CNTNAP2: variants seen among roughly 807,000 people sequenced by gnomAD.
The protein encoded by CNTNAP2 is contactin-associated protein-like 2.
A neutral mutation model predicts 155.2 loss-of-function variants in CNTNAP2; 98 were observed. That is an observed-to-expected ratio of 0.63 (90% CI 0.54 to 0.75). The LOEUF is 0.75. Ranked by LOEUF, CNTNAP2 falls within the 30% of genes least tolerant of loss-of-function variation. CNTNAP2 has a pLI of 0.00. For synonymous variants in CNTNAP2, 651 were observed against 631.2 expected (o/e 1.03, Z -0.47); for missense variants, 1,727 against 1,688.1 (o/e 1.02, Z -0.40).
At chr7:147,603,913 C>CT (rs1801006773) in intron 12 of CNTNAP2, among the ~76,000 whole-genome samples, 1 of 151,634 alleles carries the variant, frequency 6.6e-6, no homozygotes, top group Non-Finnish European at 1.5e-5. Context: ...TCAGAAATAA[C>CT]GCCGCATATC....
At chr7:148,010,236 ATAT>A (rs1314970787) in intron 15 of CNTNAP2, among the ~76,000 whole-genome samples, 2 of 151,418 alleles carry the variant, frequency 1.3e-5, no homozygotes, top group Non-Finnish European at 3.0e-5. Flanking sequence ...ATATTAATAT[ATAT>A]TATTTACATA....
intron 10 of CNTNAP2, among the ~76,000 whole-genome samples, chr7:147,480,306 A>G (rs1461189043): frequency 6.6e-6 from 1 of 152,214 alleles, no homozygotes; most frequent in Non-Finnish European, 1.5e-5. Flanking sequence ...ATAAGCTATC[A>G]GTAACCTAGA....
rs71188938 is a variant in CNTNAP2, at chr7:147,998,103, C to CTT, written c.2383+20139_2383+20140dup. On this transcript the variant is annotated intron_variant, in intron 15 of 23. Coordinates refer to ENST00000361727, the MANE Select transcript of CNTNAP2 (RefSeq NM_014141.6). ...CTAAGAACATGGTCATTTCTTTTTT[C>CTT]TTTTTTTTTTTTTTTTTTTTTTTTT... Among the ~76,000 whole-genome samples, 88 of 75,806 alleles carry CTT rather than the reference C, an allele frequency of 1.2e-3. 3 individuals carry two copies. Among genetic ancestry groups the CTT allele is most frequent in the East Asian group, 5.4e-3 (13 of 2,408 alleles). 49.7% of individuals were successfully genotyped at this position (75,806 alleles called of 152,430 possible). A position where few individuals can be genotyped will look rare whatever the true frequency, so the allele number is the denominator to read the frequency against.
At chr7:147,908,048 C>T (rs866846129) in intron 14 of CNTNAP2, among the ~76,000 whole-genome samples, 2 of 152,068 alleles carry the variant, frequency 1.3e-5, no homozygotes, top group African/African-American at 4.8e-5. Context: ...GGATTACAGG[C>T]ATGAGCCACC....
Position 146,956,979 on chromosome 7 carries a change from C to T in CNTNAP2, c.403-86928C>T, listed in dbSNP as rs78076514. Among the ~76,000 whole-genome samples the T allele has an allele frequency of 8.9e-4, 135 of 152,224 alleles. 1 individual carries two copies. Among genetic ancestry groups the T allele is most frequent in the African/African-American group, 3.1e-3 (127 of 41,564 alleles). ...TGACAGGGATACCTTTTGAGAACTGCGTCCTTAGGAGATTTCTCATCATGT... is the reference window on the plus strand; with the variant it reads ...TGACAGGGATACCTTTTGAGAACTGTGTCCTTAGGAGATTTCTCATCATGT... On this transcript the variant is annotated intron_variant, in intron 3 of 23. Transcript: ENST00000361727.
At position 147,481,451 on chromosome 7, in the gene CNTNAP2, C is replaced by A. The variant is rs1411675744; in HGVS notation, c.1671-4484C>A. On this transcript the variant is annotated intron_variant, in intron 10 of 23. Transcript: ENST00000361727. Reference sequence around the variant, plus strand: ...AGATGCTATGGGTAAAATAAAAGTGCAACTGTCATCCACAGCCCTGGATTG... The same window carrying A: ...AGATGCTATGGGTAAAATAAAAGTGAAACTGTCATCCACAGCCCTGGATTG... Among the ~76,000 whole-genome samples, 5 of 152,288 alleles carry A rather than the reference C, an allele frequency of 3.3e-5. No individual in the cohort carries two copies. The East Asian group carries it at 9.7e-4, about 29-fold the overall frequency.
chr7:146,366,932 T>C (rs377236726), intron 1 of CNTNAP2, among the ~76,000 whole-genome samples: 11 of 152,142 alleles, frequency 7.2e-5, no homozygotes, highest in Non-Finnish European at 1.5e-4. Flanking sequence ...CAGGTCAAAT[T>C]ATGAAACAGA....
At chr7:147,383,052 T>C (rs1397895824) in intron 9 of CNTNAP2, among the ~76,000 whole-genome samples, 1 of 149,802 alleles carries the variant, frequency 6.7e-6, no homozygotes, top group Non-Finnish European at 1.5e-5. Flanking sequence ...TTAATAAATA[T>C]AAACAGGATT....
intron 10 of CNTNAP2, among the ~76,000 whole-genome samples, chr7:147,458,575 G>T (rs1797962648): frequency 6.6e-6 from 1 of 152,174 alleles, no homozygotes; most frequent in Admixed American, 6.6e-5. Flanking sequence ...CTCTAGTTAT[G>T]AGCTGAGGGA....
chr7:146,395,347 G>A (rs1053328912), intron 1 of CNTNAP2, among the ~76,000 whole-genome samples: 1 of 152,106 alleles, frequency 6.6e-6, no homozygotes, highest in African/African-American at 2.4e-5. Flanking sequence ...TTCACCAGAA[G>A]CAGAGGGAAG....
At chr7:146,219,481 C>A (rs1402361894) in intron 1 of CNTNAP2, among the ~76,000 whole-genome samples, 1 of 151,922 alleles carries the variant, frequency 6.6e-6, no homozygotes, top group East Asian at 1.9e-4. Flanking sequence ...GTAGATAAAC[C>A]CAAATGGCTA....
chr7:146,399,037 T>C (rs1258035054), intron 1 of CNTNAP2, among the ~76,000 whole-genome samples: 1 of 151,850 alleles, frequency 6.6e-6, no homozygotes, highest in African/African-American at 2.4e-5. Flanking sequence ...TATAACAGAA[T>C]ACATTTTCTT....
chr7:147,812,824 C>T (rs944518898), intron 13 of CNTNAP2, among the ~76,000 whole-genome samples: 8 of 152,122 alleles, frequency 5.3e-5, no homozygotes, highest in African/African-American at 1.9e-4. Context: ...GTTGAGTCCC[C>T]TTCTCACAAA....
rs1309570600 is a variant in CNTNAP2, at chr7:147,043,801, A to G, written c.403-106A>G. 4.4e-6 allele frequency: 6 copies of G among 1,360,672 alleles called. No homozygotes were observed. In the Admixed American group the frequency reaches 1.1e-4, roughly 26 times the overall value. The allele number at this position is 1,360,672 out of a possible 1,614,324, so 84.3% of individuals were successfully genotyped here. A position where few individuals can be genotyped will look rare whatever the true frequency, so the allele number is the denominator to read the frequency against. ...CAAATTATTTACGGTGTAAGAAATC[A>G]CAAGCCCTACCATTGGATGACATTT... On this transcript the variant is annotated intron_variant, in intron 3 of 23. Coordinates refer to ENST00000361727, the MANE Select transcript of CNTNAP2 (RefSeq NM_014141.6).
At position 147,702,483 on chromosome 7, in the gene CNTNAP2, A is replaced by G. The variant is rs974734488; in HGVS notation, c.2098+63177A>G. ...ATATGGTCCCACATATGTTTCAGTAAGAATAAAGAATATTTAAAAGTATAG... is the reference window on the plus strand; with the variant it reads ...ATATGGTCCCACATATGTTTCAGTAGGAATAAAGAATATTTAAAAGTATAG... On this transcript the variant is annotated intron_variant, in intron 13 of 23. Coordinates refer to ENST00000361727, the MANE Select transcript of CNTNAP2 (RefSeq NM_014141.6). Among the ~76,000 whole-genome samples the G allele has an allele frequency of 2.6e-5, 4 of 152,220 alleles. No homozygotes were observed. The East Asian group carries it at 7.7e-4, about 29-fold the overall frequency.
intron 12 of CNTNAP2, among the ~76,000 whole-genome samples, chr7:147,603,963 C>T (rs951967063): frequency 5.9e-5 from 9 of 151,288 alleles, no homozygotes; most frequent in African/African-American, 1.9e-4. Flanking sequence ...GAAAAACAAG[C>T]AATGGGGAAA....
intron 1 of CNTNAP2, among the ~76,000 whole-genome samples, chr7:146,628,162 G>A (rs180981687): frequency 6.6e-6 from 1 of 152,092 alleles, no homozygotes; most frequent in African/African-American, 2.4e-5. Context: ...ATGAGCTTTA[G>A]ACCATTCCTA....
At chr7:147,912,725 C>G (rs1477006230) in intron 14 of CNTNAP2, among the ~76,000 whole-genome samples, 1 of 152,176 alleles carries the variant, frequency 6.6e-6, no homozygotes, top group African/African-American at 2.4e-5. Context: ...CATTTGGATC[C>G]AAGCCAAACC....
At chr7:146,977,259 A>C (rs1452332136) in intron 3 of CNTNAP2, among the ~76,000 whole-genome samples, 1 of 152,234 alleles carries the variant, frequency 6.6e-6, no homozygotes, top group Non-Finnish European at 1.5e-5. Context: ...TGGTGTTCAC[A>C]ACATAGAGAC....
Sources: allele counts gnomAD v4.1 joint callset (sites outside exome capture counted in the v4.1 genomes callset), GRCh38; gene constraint gnomAD v4.1.1; transcripts MANE v1.5; gene names NCBI Gene and HGNC (gene_info 2026-07-23, HGNC 2026-07-21).